CSMD1: variants seen among roughly 807,000 people sequenced by gnomAD.
CSMD1 encodes the protein CUB and sushi domain-containing protein 1.
A neutral mutation model predicts 417.5 loss-of-function variants in CSMD1; 213 were observed. The observed-to-expected ratio is 0.51, with a 90% CI of 0.46 to 0.57. The LOEUF is 0.57. CSMD1 is among the 20% of genes least tolerant of loss of function. The probability of loss-of-function intolerance (pLI) is 0.00; values close to 1 mark genes in which losing one functional copy is unlikely to be tolerated. For missense variants in CSMD1, 6,923 were observed against 4,529.7 expected, an observed-to-expected ratio of 1.53 and a Z score of -15.17; for synonymous variants, 2,862 against 1,736.8, an observed-to-expected ratio of 1.65 and a Z score of -16.11.
chr8:3,829,475 C>A (rs1212642695), intron 5 of CSMD1, among the ~76,000 whole-genome samples: 2 of 152,128 alleles, frequency 1.3e-5, no homozygotes, highest in Non-Finnish European at 2.9e-5. Context: ...CTTGCCGCCA[C>A]CCTGCTGTTC....
intron 2 of CSMD1, among the ~76,000 whole-genome samples, chr8:4,532,324 C>T (rs191771281): frequency 2.0e-5 from 3 of 151,170 alleles, no homozygotes; most frequent in African/African-American, 2.4e-5. Flanking sequence ...AAATCCTGCA[C>T]CTCCATTCAG....
chr8:4,004,559 T>G (rs567824876), intron 4 of CSMD1, among the ~76,000 whole-genome samples: 1 of 152,018 alleles, frequency 6.6e-6, no homozygotes, highest in Non-Finnish European at 1.5e-5. Flanking sequence ...GCAACCTAAT[T>G]TGGTATTATA....
intron 23 of CSMD1, among the ~76,000 whole-genome samples, chr8:3,309,689 A>G (rs1805177219): frequency 6.6e-6 from 1 of 152,064 alleles, no homozygotes; most frequent in Admixed American, 6.5e-5. Flanking sequence ...CAAACTTTGA[A>G]TGCTTTCTTT....
At chr8:3,990,168 A>G (rs1814636757) in intron 5 of CSMD1, among the ~76,000 whole-genome samples, 1 of 152,210 alleles carries the variant, frequency 6.6e-6, no homozygotes, top group South Asian at 2.1e-4. Context: ...TTCCAGGATT[A>G]AGGGCCACAT....
intron 3 of CSMD1, among the ~76,000 whole-genome samples, chr8:4,118,863 C>G (rs1056392463): frequency 6.6e-6 from 1 of 152,134 alleles, no homozygotes; most frequent in Non-Finnish European, 1.5e-5. Flanking sequence ...CAATGTTAGA[C>G]TGGATAAAGA....
At chr8:3,401,671 C>G (rs1245336847) in intron 15 of CSMD1, among the ~76,000 whole-genome samples, 2 of 152,152 alleles carry the variant, frequency 1.3e-5, no homozygotes, top group East Asian at 1.9e-4. Context: ...CTGTGAGACA[C>G]AGGTCCCTTC....
intron 2 of CSMD1, among the ~76,000 whole-genome samples, chr8:4,435,494 T>C (rs146981843): frequency 2.6e-5 from 4 of 152,338 alleles, no homozygotes; most frequent in Non-Finnish European, 4.4e-5. Flanking sequence ...TGTTATGATA[T>C]GATTTGTCCA....
intron 5 of CSMD1, among the ~76,000 whole-genome samples, chr8:3,765,004 C>G (rs369180449): frequency 5.3e-4 from 81 of 152,140 alleles, no homozygotes; most frequent in African/African-American, 9.9e-4. Context: ...TTCGGCCTCC[C>G]AAAGTTCTGG....
At chr8:3,351,998 T>C (rs1808457061) in intron 21 of CSMD1, among the ~76,000 whole-genome samples, 1 of 149,256 alleles carries the variant, frequency 6.7e-6, no homozygotes, top group Non-Finnish European at 1.5e-5. Flanking sequence ...CTTTGTCACC[T>C]TTTTTTTCGG....
chr8:3,976,834 C>A (rs1477166286), intron 5 of CSMD1, among the ~76,000 whole-genome samples: 1 of 152,112 alleles, frequency 6.6e-6, no homozygotes, highest in East Asian at 1.9e-4. Flanking sequence ...ACCTCAACCA[C>A]TGCACTGACC....
intron 23 of CSMD1, among the ~76,000 whole-genome samples, chr8:3,313,713 C>A (rs1420504973): frequency 6.6e-6 from 1 of 152,002 alleles, no homozygotes; most frequent in African/African-American, 2.4e-5. Flanking sequence ...TCAGTGTGGC[C>A]ATTCCTCAGG....
intron 26 of CSMD1, among the ~76,000 whole-genome samples, chr8:3,268,287 C>CTTT (rs1172040830): frequency 0.011 from 1,279 of 114,290 alleles, 101 homozygotes; most frequent in African/African-American, 0.04. Context: ...GGTTCATTTC[C>CTTT]TATTTTTTTT....
chr8:3,066,916 A>T (rs1407008933), intron 49 of CSMD1, among the ~76,000 whole-genome samples: 4 of 152,212 alleles, frequency 2.6e-5, no homozygotes, highest in African/African-American at 7.2e-5. Context: ...GATCAGGCTA[A>T]GTAGGAGCTT....
At chr8:4,370,011 T>C (rs1364541273) in intron 3 of CSMD1, among the ~76,000 whole-genome samples, 1 of 152,322 alleles carries the variant, frequency 6.6e-6, no homozygotes, top group South Asian at 2.1e-4. Context: ...GGTTCTTATG[T>C]AGACTTAGTT....
At chr8:3,490,442 T>C (rs1818305856) in intron 11 of CSMD1, among the ~76,000 whole-genome samples, 1 of 152,248 alleles carries the variant, frequency 6.6e-6, no homozygotes, top group South Asian at 2.1e-4. Flanking sequence ...TGCATTTATA[T>C]TTTAAATTTT....
At chr8:4,140,969 G>A (rs767847654) in intron 3 of CSMD1, among the ~76,000 whole-genome samples, 28 of 151,160 alleles carry the variant, frequency 1.9e-4, no homozygotes. Flanking sequence ...CTCAATAAAT[G>A]GGAAGAAAAC....
At chr8:3,090,764 G>T (rs1470933447) in intron 48 of CSMD1, among the ~76,000 whole-genome samples, 1 of 152,158 alleles carries the variant, frequency 6.6e-6, no homozygotes, top group East Asian at 1.9e-4. Context: ...TTTGAGAAAA[G>T]TTTAGATTTT....
intron 23 of CSMD1, among the ~76,000 whole-genome samples, chr8:3,337,796 G>A (rs57993669): frequency 0.015 from 2,267 of 152,270 alleles, 69 homozygotes; most frequent in African/African-American, 0.052. Flanking sequence ...ATTATTTTAT[G>A]AGTCATTAAA....
At chr8:4,241,410 A>G (rs1449141649) in intron 3 of CSMD1, among the ~76,000 whole-genome samples, 1 of 152,178 alleles carries the variant, frequency 6.6e-6, no homozygotes, top group Admixed American at 6.5e-5. Context: ...TGCTAACCCC[A>G]TGTTAAACTT....
Sources: gnomAD v4.1 joint callset for allele counts (sites outside exome capture counted in the v4.1 genomes callset) on GRCh38, gnomAD v4.1.1 for gene constraint, MANE v1.5 for transcripts, NCBI Gene and HGNC (gene_info 2026-07-23, HGNC 2026-07-21) for gene names.